DNAH12: variants seen among roughly 807,000 people sequenced by gnomAD.
DNAH12 encodes the protein axonemal beta dynein heavy chain 12.
In DNAH12, 285 loss-of-function variants were observed where a neutral mutation model predicts 371.5. The observed-to-expected ratio is 0.77, with a 90% confidence interval of 0.70 to 0.85. The LOEUF (loss-of-function observed/expected upper bound fraction) is 0.85. Ranked by LOEUF, DNAH12 falls within the 40% of genes least tolerant of loss-of-function variation. DNAH12 has a pLI of 0.00. For missense variants in DNAH12, 3,611 were observed against 3,689.4 expected, an observed-to-expected ratio of 0.98 and a Z score of 0.55; for synonymous variants, 1,200 against 1,213.0, an observed-to-expected ratio of 0.99 and a Z score of 0.22.
intron 43 of DNAH12, among the ~76,000 whole-genome samples, chr3:57,399,786 G>A (rs1357463569): frequency 6.6e-6 from 1 of 152,150 alleles, no homozygotes; most frequent in Non-Finnish European, 1.5e-5. Flanking sequence ...AGACCTTTGT[G>A]ATGATCCACA....
chr3:57,473,634 T>C (rs2153381231), intron 13 of DNAH12, among the ~76,000 whole-genome samples: 1 of 151,656 alleles, frequency 6.6e-6, no homozygotes, highest in South Asian at 2.1e-4. Context: ...AGAATTGAAA[T>C]ACAGATTCAA....
At chr3:57,483,022 G>A (rs1433730777) in intron 13 of DNAH12, among the ~76,000 whole-genome samples, 3 of 150,532 alleles carry the variant, frequency 2.0e-5, no homozygotes, top group Non-Finnish European at 2.9e-5. Flanking sequence ...GTATACATAT[G>A]TAACTAACTT....
At chr3:57,540,099 G>A (rs537171235) in intron 2 of DNAH12, among the ~76,000 whole-genome samples, 1 of 151,846 alleles carries the variant, frequency 6.6e-6, no homozygotes, top group South Asian at 2.1e-4. Flanking sequence ...TTGCCAGGCT[G>A]GAGTGCAATG....
chr3:57,320,793 T>C (rs1233995181), intron 65 of DNAH12, among the ~76,000 whole-genome samples: 1 of 152,192 alleles, frequency 6.6e-6, no homozygotes, highest in African/African-American at 2.4e-5. Context: ...ACAAGCCCTC[T>C]AGGGGAATCG....
At chr3:57,406,412 C>G (rs905478869) in intron 40 of DNAH12, among the ~76,000 whole-genome samples, 2 of 148,740 alleles carry the variant, frequency 1.3e-5, no homozygotes, top group Non-Finnish European at 1.5e-5. Flanking sequence ...TTGCATAGTA[C>G]TAAGCTTAGC....
chr3:57,339,508 G>T (rs1414447752), intron 60 of DNAH12, among the ~76,000 whole-genome samples: 8 of 151,926 alleles, frequency 5.3e-5, no homozygotes, highest in Non-Finnish European at 8.8e-5. Context: ...GGAGGAATAA[G>T]TTCTACTGTT....
chr3:57,474,003 T>C (rs920835521), intron 13 of DNAH12, among the ~76,000 whole-genome samples: 1 of 152,134 alleles, frequency 6.6e-6, no homozygotes, highest in African/African-American at 2.4e-5. Context: ...AGTACCTGTA[T>C]AAAACCTACA....
intron 55 of DNAH12, among the ~76,000 whole-genome samples, chr3:57,373,304 A>C (rs908700411): frequency 1.5e-5 from 2 of 130,968 alleles, no homozygotes; most frequent in Admixed American, 8.9e-5. Context: ...TAGTTAATCT[A>C]TATTACTCAA....
intron 43 of DNAH12, among the ~76,000 whole-genome samples, chr3:57,401,101 T>C (rs2063847299): frequency 1.3e-5 from 2 of 152,166 alleles, no homozygotes; most frequent in African/African-American, 4.8e-5. Flanking sequence ...AAACTGTTAA[T>C]TTAATTGTTA....
At chr3:57,385,775 G>C (rs1347890747) in intron 47 of DNAH12, among the ~76,000 whole-genome samples, 1 of 152,098 alleles carries the variant, frequency 6.6e-6, no homozygotes, top group Non-Finnish European at 1.5e-5. Flanking sequence ...CCAGCTACTT[G>C]GGAGGGTGAG....
chr3:57,422,710 G>A (rs1420302487), intron 35 of DNAH12, among the ~76,000 whole-genome samples: 1 of 152,116 alleles, frequency 6.6e-6, no homozygotes, highest in Non-Finnish European at 1.5e-5. Context: ...TTCTCTTGTG[G>A]GAGTTTATAC....
At chr3:57,423,065 G>A (rs1223735336) in intron 35 of DNAH12, among the ~76,000 whole-genome samples, 3 of 152,120 alleles carry the variant, frequency 2.0e-5, no homozygotes, top group East Asian at 1.9e-4. Context: ...GTGTGGCTGG[G>A]GGACTGCTAT....
At chr3:57,473,452 C>T (rs573705839) in intron 13 of DNAH12, among the ~76,000 whole-genome samples, 1 of 151,598 alleles carries the variant, frequency 6.6e-6, no homozygotes, top group South Asian at 2.1e-4. Flanking sequence ...TGCCACTGCA[C>T]TCCAGCCTGG....
In DNAH12 at chr3:57,535,149, T is replaced by C. The variant is rs949989419; in HGVS notation, c.170+7552A>G. Among the ~76,000 whole-genome samples the C allele has an allele frequency of 3.3e-5, 5 of 152,248 alleles. No homozygotes were observed. In the East Asian group the frequency reaches 5.8e-4, roughly 18 times the overall value. On this transcript the variant is annotated intron_variant, in intron 2 of 73. Transcript: ENST00000495027. ...AGATGGTATATGAACTCAGGCCTGATTGATGGCAGAGCCTATAGTCTAATT... is the reference window on the plus strand; with the variant it reads ...AGATGGTATATGAACTCAGGCCTGACTGATGGCAGAGCCTATAGTCTAATT...
chr3:57,410,479 G>T (rs2064166284), intron 39 of DNAH12, among the ~76,000 whole-genome samples: 1 of 151,992 alleles, frequency 6.6e-6, no homozygotes, highest in South Asian at 2.1e-4. Context: ...CCTCTTCTCA[G>T]ACCTTCCTAT....
At chr3:57,549,829 G>A in the DNAH12 span, among the ~76,000 whole-genome samples, 10 of 151,872 alleles carry the variant, frequency 6.6e-5, no homozygotes, top group South Asian at 1.7e-3. Context: ...TTGCCATGTT[G>A]CCCAGGCTGG....
intron 35 of DNAH12, 81 bp from the exon 36 acceptor site, chr3:57,421,787 A>C: frequency 6.9e-7 from 1 of 1,455,582 alleles, no homozygotes; most frequent in South Asian, 1.2e-5. Context: ...AATTCAATAT[A>C]TTAGGATATG....
intron 70 of DNAH12, among the ~76,000 whole-genome samples, chr3:57,300,117 G>A (rs572562650): frequency 6.6e-6 from 1 of 152,282 alleles, no homozygotes; most frequent in Admixed American, 6.5e-5. Context: ...GTTCTTTGCA[G>A]ATAGCCTCTT....
chr3:57,408,439 G>C lies in DNAH12; in HGVS notation c.6117C>G (p.Pro2039=). The change falls in exon 40 of 74, where the codon CCC becomes CCG. Residue 2039 remains proline (P), a synonymous_variant. Coordinates refer to ENST00000495027, the MANE Select transcript of DNAH12 (RefSeq NM_001366028.2). ...AGATGTTGAAATGTCGAATACAACG[G>C]GGAGTAACTGGATTTCTTCCACCAC... ...PPGGGRNPVT[P]RCIRHFNICS... 1 of 1,551,520 alleles carries C rather than the reference G, an allele frequency of 6.4e-7. No individual in the cohort carries two copies.
Sources: allele counts gnomAD v4.1 joint callset (sites outside exome capture counted in the v4.1 genomes callset), GRCh38; gene constraint gnomAD v4.1.1; transcripts MANE v1.5; gene names NCBI Gene and HGNC (gene_info 2026-07-23, HGNC 2026-07-21).